NYAP2: variants seen among roughly 807,000 people sequenced by gnomAD.
NYAP2 encodes the protein neuronal tyrosine-phosphorylated phosphoinositide-3-kinase adaptor 2, also known as neuronal tyrosine-phosphorylated phosphoinositide-3-kinase adapter 2.
Under a neutral mutation model 50.4 loss-of-function variants are expected in NYAP2, and 23 were observed. That is an observed-to-expected ratio of 0.46 (90% CI 0.33 to 0.65). The LOEUF (loss-of-function observed/expected upper bound fraction) is 0.65, where lower values mean the gene tolerates loss of function less well. NYAP2 is among the 30% of genes least tolerant of loss of function. The pLI is 0.02. For missense variants in NYAP2, 885 were observed against 861.0 expected (o/e 1.03, Z -0.35); for synonymous variants, 394 against 365.2 (o/e 1.08, Z -0.90).
At chr2:225,547,082 T>C (rs974436175) in intron 4 of NYAP2, among the ~76,000 whole-genome samples, 2 of 152,120 alleles carry the variant, frequency 1.3e-5, no homozygotes, top group African/African-American at 2.4e-5. Flanking sequence ...AAGTCCTCTT[T>C]ACTCTTCCCT....
At chr2:225,667,375 G>A in the NYAP2 span, among the ~76,000 whole-genome samples, 2 of 152,142 alleles carry the variant, frequency 1.3e-5, no homozygotes, top group African/African-American at 2.4e-5. Flanking sequence ...GGAGTGAGAA[G>A]TCTGAAGTCA....
At chr2:225,586,530 A>G (rs1692392913) in intron 5 of NYAP2, among the ~76,000 whole-genome samples, 1 of 152,174 alleles carries the variant, frequency 6.6e-6, no homozygotes, top group South Asian at 2.1e-4. Context: ...GAAGTGATCA[A>G]CTCATATGCT....
chr2:225,414,431 G>C (rs571247273), intron 3 of NYAP2, among the ~76,000 whole-genome samples: 1 of 152,178 alleles, frequency 6.6e-6, no homozygotes, highest in Non-Finnish European at 1.5e-5. Flanking sequence ...ACTTTTTTAT[G>C]AAAAACCTAT....
chr2:225,502,903 T>C (rs17410316), intron 3 of NYAP2, among the ~76,000 whole-genome samples: 7,950 of 152,350 alleles, frequency 0.052, 281 homozygotes, highest in Non-Finnish European at 0.074. Flanking sequence ...TGACAAACTA[T>C]AGGCACTTGG....
At chr2:225,614,898 C>T (rs930813794) in intron 5 of NYAP2, among the ~76,000 whole-genome samples, 7 of 152,206 alleles carry the variant, frequency 4.6e-5, no homozygotes, top group East Asian at 1.9e-4. Flanking sequence ...TGTCACAGGC[C>T]GTGATTTTTG....
intron 4 of NYAP2, among the ~76,000 whole-genome samples, chr2:225,564,915 AG>A: frequency 6.6e-6 from 1 of 152,188 alleles, no homozygotes; most frequent in South Asian, 2.1e-4. Context: ...GGATCACTTG[AG>A]GTCAGGAGTT....
chr2:225,672,818 G>A, the NYAP2 span, among the ~76,000 whole-genome samples: 1 of 151,996 alleles, frequency 6.6e-6, no homozygotes, highest in Non-Finnish European at 1.5e-5. Context: ...GAAGAGATGG[G>A]GGATATTTGG....
downstream of NYAP2, among the ~76,000 whole-genome samples, chr2:225,657,036 A>G (rs10179260): frequency 0.076 from 11,441 of 150,676 alleles, 524 homozygotes; most frequent in East Asian, 0.25. Context: ...GGAGAGTGTG[A>G]GAAAGGCTAA....
At chr2:225,473,827 G>T (rs1690054784) in intron 3 of NYAP2, among the ~76,000 whole-genome samples, 1 of 152,180 alleles carries the variant, frequency 6.6e-6, no homozygotes, top group African/African-American at 2.4e-5. Flanking sequence ...GATCCCATTT[G>T]TCAATTTTGG....
chr2:225,437,738 G>A (rs1689404753), intron 3 of NYAP2, among the ~76,000 whole-genome samples: 1 of 152,216 alleles, frequency 6.6e-6, no homozygotes, highest in Non-Finnish European at 1.5e-5. Flanking sequence ...CCCTTCAGAT[G>A]AGGAAGCTCA....
intron 6 of NYAP2, among the ~76,000 whole-genome samples, chr2:225,651,041 G>T (rs1289702403): frequency 2.0e-5 from 3 of 152,182 alleles, no homozygotes; most frequent in Admixed American, 1.3e-4. Flanking sequence ...TTTGGAGAAG[G>T]GATAGAAGAC....
At chr2:225,566,107 G>A (rs988112876) in intron 4 of NYAP2, among the ~76,000 whole-genome samples, 7 of 152,078 alleles carry the variant, frequency 4.6e-5, no homozygotes, top group African/African-American at 1.4e-4. Flanking sequence ...ACCTCATAGG[G>A]ATGTTGTAAG....
chr2:225,620,586 G>A (rs1189842684), intron 5 of NYAP2, among the ~76,000 whole-genome samples: 1 of 152,192 alleles, frequency 6.6e-6, no homozygotes, highest in African/African-American at 2.4e-5. Flanking sequence ...TTTCAGCTCT[G>A]CTTTCTATTT....
At chr2:225,567,271 A>G (rs1194720438) in intron 4 of NYAP2, among the ~76,000 whole-genome samples, 2 of 152,178 alleles carry the variant, frequency 1.3e-5, no homozygotes, top group Non-Finnish European at 2.9e-5. Context: ...TCCATAGCTG[A>G]CTGCACCCTT....
At chr2:225,411,188 T>C (rs746768921) in intron 3 of NYAP2, among the ~76,000 whole-genome samples, 1 of 152,148 alleles carries the variant, frequency 6.6e-6, no homozygotes, top group Admixed American at 6.6e-5. Context: ...ATTGGGATGA[T>C]AGCAGTAAAG....
At chr2:225,553,714 A>T (rs1311766917) in intron 4 of NYAP2, among the ~76,000 whole-genome samples, 2 of 152,184 alleles carry the variant, frequency 1.3e-5, no homozygotes, top group Admixed American at 1.3e-4. Flanking sequence ...GCTTAGGATG[A>T]CCTGGAGAAG....
At chr2:225,453,109 T>C (rs1689680542) in intron 3 of NYAP2, among the ~76,000 whole-genome samples, 1 of 152,218 alleles carries the variant, frequency 6.6e-6, no homozygotes, top group Non-Finnish European at 1.5e-5. Flanking sequence ...GTATGTCTTC[T>C]GTCTTTATAG....
intron 3 of NYAP2, among the ~76,000 whole-genome samples, chr2:225,466,478 T>G (rs773113350): frequency 1.3e-5 from 2 of 152,214 alleles, no homozygotes; most frequent in Non-Finnish European, 2.9e-5. Flanking sequence ...TTTGTCATAT[T>G]TAAGACCGCA....
At chr2:225,557,282 A>AATCC (rs1319556915) in intron 4 of NYAP2, among the ~76,000 whole-genome samples, 8 of 152,254 alleles carry the variant, frequency 5.3e-5, no homozygotes, top group Admixed American at 5.2e-4. Context: ...TCCATCTATC[A>AATCC]ATCCATCCAT....
Sources: gnomAD v4.1 joint callset for allele counts (sites outside exome capture counted in the v4.1 genomes callset) on GRCh38, gnomAD v4.1.1 for gene constraint, MANE v1.5 for transcripts, NCBI Gene and HGNC (gene_info 2026-07-23, HGNC 2026-07-21) for gene names.